GRID2: variants seen among roughly 807,000 people sequenced by gnomAD.
GRID2 encodes glutamate receptor ionotropic, delta-2.
A neutral mutation model predicts 114.8 loss-of-function variants in GRID2; 33 were observed. That is an observed-to-expected ratio of 0.29 (90% CI 0.22 to 0.38). GRID2 has a LOEUF of 0.38. GRID2 is among the 10% of genes least tolerant of loss of function. The pLI is 1.00. For missense variants in GRID2, 1,184 were observed against 1,257.7 expected (o/e 0.94, Z 0.89); for synonymous variants, 505 against 449.9 (o/e 1.12, Z -1.55).
intron 1 of GRID2, among the ~76,000 whole-genome samples, chr4:92,485,403 A>T (rs1277668053): frequency 1.4e-5 from 2 of 146,894 alleles, no homozygotes; most frequent in Non-Finnish European, 3.0e-5. Flanking sequence ...CAGGACCATT[A>T]TAAAGAGAAA....
At chr4:93,799,185 T>C (rs145091353) in intron 1 of GRID2, among the ~76,000 whole-genome samples, 1,952 of 152,366 alleles carry the variant, frequency 0.013, 25 homozygotes, top group South Asian at 0.033. Flanking sequence ...TATAAAAGTT[T>C]ACTATAAGTA....
At chr4:93,616,680 T>C (rs1182436196) in intron 13 of GRID2, among the ~76,000 whole-genome samples, 1 of 150,888 alleles carries the variant, frequency 6.6e-6, no homozygotes, top group Non-Finnish European at 1.5e-5. Context: ...TTGCAATGTC[T>C]ATAGAATATG....
At chr4:92,847,979 T>C (rs962771562) in intron 2 of GRID2, among the ~76,000 whole-genome samples, 1 of 152,040 alleles carries the variant, frequency 6.6e-6, no homozygotes, top group Non-Finnish European at 1.5e-5. Flanking sequence ...TATCTCCATG[T>C]CAACAGTCAA....
chr4:92,851,475 C>T (rs1462431369), intron 2 of GRID2, among the ~76,000 whole-genome samples: 1 of 151,786 alleles, frequency 6.6e-6, no homozygotes, highest in East Asian at 1.9e-4. Context: ...TTAGAGTAAT[C>T]TAGTCTTCAA....
chr4:93,288,288 G>T (rs1194489804), intron 8 of GRID2, among the ~76,000 whole-genome samples: 2 of 152,278 alleles, frequency 1.3e-5, no homozygotes, highest in East Asian at 1.9e-4. Context: ...ATATAAAAAA[G>T]TTCCAAAATA....
intron 8 of GRID2, among the ~76,000 whole-genome samples, chr4:93,366,117 G>A (rs1762309097): frequency 6.6e-6 from 1 of 151,916 alleles, no homozygotes. Context: ...TGAAATGTGG[G>A]CACCTTAAAA....
intron 1 of GRID2, among the ~76,000 whole-genome samples, chr4:92,567,901 C>T (rs1450442319): frequency 6.6e-6 from 1 of 151,900 alleles, no homozygotes; most frequent in East Asian, 1.9e-4. Context: ...AAACCCCTTG[C>T]CCTCATGGAA....
intron 8 of GRID2, among the ~76,000 whole-genome samples, chr4:93,392,474 A>G (rs1264060489): frequency 6.6e-6 from 1 of 152,170 alleles, no homozygotes; most frequent in Non-Finnish European, 1.5e-5. Flanking sequence ...TTGAATCTAT[A>G]TGAATCTAAC....
At chr4:93,401,638 A>G (rs1765899264) in intron 9 of GRID2, among the ~76,000 whole-genome samples, 1 of 152,210 alleles carries the variant, frequency 6.6e-6, no homozygotes, top group African/African-American at 2.4e-5. Flanking sequence ...TAGAAAACAT[A>G]GGACAGTAAT....
chr4:93,132,212 C>T (rs1214540512), intron 4 of GRID2, among the ~76,000 whole-genome samples: 2 of 152,294 alleles, frequency 1.3e-5, no homozygotes, highest in East Asian at 3.9e-4. Context: ...TTGTAAATTT[C>T]ACATTCTCCT....
chr4:93,061,801 G>T (rs1459639482), intron 2 of GRID2, among the ~76,000 whole-genome samples: 1 of 152,130 alleles, frequency 6.6e-6, no homozygotes, highest in Non-Finnish European at 1.5e-5. Flanking sequence ...CACCCAGAAA[G>T]TGTATGACTT....
At chr4:93,394,595 C>G (rs1765152601) in intron 8 of GRID2, among the ~76,000 whole-genome samples, 1 of 151,878 alleles carries the variant, frequency 6.6e-6, no homozygotes, top group African/African-American at 2.4e-5. Flanking sequence ...CAGGAGGAAA[C>G]AGCACAAATA....
intron 13 of GRID2, among the ~76,000 whole-genome samples, chr4:93,588,748 C>A (rs1277178709): frequency 6.6e-6 from 1 of 152,140 alleles, no homozygotes; most frequent in African/African-American, 2.4e-5. Context: ...CCCTGAAGGC[C>A]AAGGCCTGAG....
At chr4:92,366,028 T>A (rs982581899) in intron 1 of GRID2, among the ~76,000 whole-genome samples, 1 of 152,126 alleles carries the variant, frequency 6.6e-6, no homozygotes, top group Admixed American at 6.6e-5. Flanking sequence ...AAATGTTGGC[T>A]ACTGTTATGT....
intron 2 of GRID2, among the ~76,000 whole-genome samples, chr4:92,686,855 A>G (rs1733933021): frequency 6.6e-6 from 1 of 152,278 alleles, no homozygotes; most frequent in South Asian, 2.1e-4. Context: ...CTTTAAATTA[A>G]AAAGTAGATC....
At chr4:93,046,756 C>T (rs1726176207) in intron 2 of GRID2, among the ~76,000 whole-genome samples, 1 of 151,748 alleles carries the variant, frequency 6.6e-6, no homozygotes, top group Admixed American at 6.6e-5. Context: ...ACTAAGTTGC[C>T]ATTTAGCTTT....
At chr4:92,874,460 C>T (rs1163442539) in intron 2 of GRID2, among the ~76,000 whole-genome samples, 1 of 152,086 alleles carries the variant, frequency 6.6e-6, no homozygotes, top group Non-Finnish European at 1.5e-5. Context: ...TGTCATACCT[C>T]CATCTAATTA....
chr4:92,610,092 T>A (rs181758887), intron 2 of GRID2, among the ~76,000 whole-genome samples: 1 of 151,680 alleles, frequency 6.6e-6, no homozygotes, highest in Admixed American at 6.6e-5. Flanking sequence ...CTTTCCTTGA[T>A]CCTATACAGA....
chr4:93,126,267 G>C (rs1347943157), intron 4 of GRID2, among the ~76,000 whole-genome samples: 3 of 151,946 alleles, frequency 2.0e-5, no homozygotes, highest in South Asian at 2.1e-4. Flanking sequence ...CAAATTGCCA[G>C]TTTTAATGAG....
Sources: allele counts gnomAD v4.1 joint callset (sites outside exome capture counted in the v4.1 genomes callset), GRCh38; gene constraint gnomAD v4.1.1; transcripts MANE v1.5; gene names NCBI Gene and HGNC (gene_info 2026-07-23, HGNC 2026-07-21).